Variants in CST6 observed in about 807,000 individuals in gnomAD.
CST6 encodes the protein cystatin E/M, also known as cystatin-M.
Under a neutral mutation model 10.7 loss-of-function variants are expected in CST6, and 8 were observed. That is an observed-to-expected ratio of 0.75 (90% CI 0.44 to 1.34). The LOEUF is 1.34. CST6 is among the 40% of genes most tolerant of loss of function. The probability of loss-of-function intolerance (pLI) is 0.01; values close to 1 mark genes in which losing one functional copy is unlikely to be tolerated. For synonymous variants in CST6, 100 were observed against 89.3 expected (o/e 1.12, Z -0.68); for missense variants, 206 against 205.1 (o/e 1.00, Z -0.03).
At chr11:66,012,534 G>C (rs1856178453) in intron 1 of CST6, among the ~76,000 whole-genome samples, 1 of 152,144 alleles carries the variant, frequency 6.6e-6, no homozygotes, top group African/African-American at 2.4e-5. Flanking sequence ...CCCTGATGGG[G>C]TGGATCGGGG....
intron 1 of CST6, among the ~76,000 whole-genome samples, 162 bp from the exon 2 acceptor site, chr11:66,012,664 T>TCCCCCCCCCCC (rs1159123566): frequency 5.5e-4 from 8 of 14,512 alleles, no homozygotes; most frequent in South Asian, 4.2e-3. Context: ...CCACCAGAAC[T>TCCCCCCCCCCC]CCCCCCCCCA....
chr11:66,013,198 G>A (rs1279452960), intron 2 of CST6, 119 bp from the exon 3 acceptor site: 1 of 1,034,882 alleles, frequency 9.7e-7, no homozygotes. Flanking sequence ...GACATCCGTT[G>A]GGTCAGTGAT....
Position 66,013,468 on chromosome 11 carries a change from G to GTC in CST6, c.*69_*70insCT. ...GGAGGGCACTTCAGGTCCGTGGGCC[G>GTC]TATCTGTCACAATAAATGGCCAGTG... On this transcript the variant is annotated 3_prime_UTR_variant, in exon 3 of 3. Transcript: ENST00000312134. The GTC allele has an allele frequency of 7.8e-7, 1 of 1,279,390 alleles. No individual in the cohort carries two copies. The highest frequency in any genetic ancestry group is 2.3e-5 in the East Asian group (1 of 43,244). The allele number at this position is 1,279,390 out of a possible 1,614,324, so 79.3% of individuals were successfully genotyped here.
chr11:66,012,306 G>A, intron 1 of CST6, 22 bp downstream of exon 1: 1 of 1,571,810 alleles, frequency 6.4e-7, no homozygotes, highest in Non-Finnish European at 8.7e-7. Context: ...GGGGTGCTGG[G>A]AGGGGACACC....
rs1204618157 is a variant in CST6, at chr11:66,012,143, C to T, written c.99C>T (p.Arg33=). The T allele has an allele frequency of 3.9e-6, 6 of 1,553,600 alleles. No individual in the cohort carries two copies. The African/African-American group carries it at 4.1e-5, about 11-fold the overall frequency. Residue 33 remains arginine (R), a synonymous_variant, in exon 1 of 3, where the codon CGC becomes CGT. Coordinates refer to ENST00000312134, the MANE Select transcript of CST6 (RefSeq NM_001323.4). ...PRDARARPQE[R]MVGELRDLSP... ...ACGCCCGGGCCCGGCCGCAGGAGCG[C>T]ATGGTCGGAGAACTCCGGGACCTGT...
At chr11:66,012,527 T>C (rs1204500507) in intron 1 of CST6, among the ~76,000 whole-genome samples, 2 of 152,212 alleles carry the variant, frequency 1.3e-5, no homozygotes, top group African/African-American at 2.4e-5. Context: ...GTCTCTGCCC[T>C]GATGGGGTGG....
intron 1 of CST6, among the ~76,000 whole-genome samples, chr11:66,012,609 G>A (rs1385467735): frequency 6.6e-6 from 1 of 150,898 alleles, no homozygotes; most frequent in Non-Finnish European, 1.5e-5. Flanking sequence ...TGTCTGCCAA[G>A]GCTGCTGGTG....
Position 66,012,831 on chromosome 11 carries a change from GGC to G in CST6, c.247_248del (p.Ala83ArgfsTer44). 1 of 1,604,152 alleles carries G rather than the reference GGC, an allele frequency of 6.2e-7. No individual in the cohort carries two copies. The highest frequency in any genetic ancestry group is 8.5e-7 in the Non-Finnish European group (1 of 1,172,448). On this transcript the variant is annotated frameshift_variant, in exon 2 of 3. Coordinates refer to ENST00000312134, the MANE Select transcript of CST6 (RefSeq NM_001323.4). LOFTEE classifies it high-confidence loss of function. ...HIIKAQSQLV[A>X]GIKYFLTMEM... ...CCCCTACCCTATGCCCCCAGCTGGTGGCCGGCATCAAGTACTTCCTGACGATG... is the reference window on the plus strand; with the variant it reads ...CCCCTACCCTATGCCCCCAGCTGGTGCGGCATCAAGTACTTCCTGACGATG...
intron 1 of CST6, 94 bp downstream of exon 1, chr11:66,012,378 C>G: frequency 7.3e-7 from 1 of 1,378,470 alleles, no homozygotes; most frequent in East Asian, 2.5e-5. Context: ...CCTAAAAGCG[C>G]AATCGGGATA....
In CST6 at chr11:66,013,067, C is replaced by T. The variant is rs569894671; in HGVS notation, c.366+116C>T. On this transcript the variant is annotated intron_variant, in intron 2 of 2. Transcript: ENST00000312134. ...TGTCTAGATGTCTGGCTGAACCTGT[C>T]GTCCTTCTGGATGAGTCAGCCTCTG... is the stretch of plus-strand genomic sequence containing the variant. The T allele has an allele frequency of 3.8e-5, 53 of 1,407,466 alleles. No individual in the cohort carries two copies. The East Asian group carries it at 1.0e-3, about 28-fold the overall frequency. 87.2% of individuals were successfully genotyped at this position (1,407,466 alleles called of 1,614,324 possible).
At chr11:66,013,226 G>A in intron 2 of CST6, 91 bp from the exon 3 acceptor site, 1 of 1,221,316 alleles carries the variant, frequency 8.2e-7, no homozygotes, top group Non-Finnish European at 1.2e-6. Context: ...CTCTTGGCCT[G>A]GAGCAGCCTG....
chr11:66,012,674 A>ACCCCCCCCCCCC (rs1420287294), intron 1 of CST6, 152 bp from the exon 2 acceptor site: 4 of 41,442 alleles, frequency 9.7e-5, no homozygotes, highest in Admixed American at 3.0e-4. Flanking sequence ...TCCCCCCCCC[A>ACCCCCCCCCCCC]CCCCCCCCCA....
At position 66,013,320 on chromosome 11, in the gene CST6, C is replaced by T. The variant is rs576517515; in HGVS notation, c.370C>T (p.Leu124=). Residue 124 remains leucine, a synonymous_variant, in exon 3 of 3, where the codon CTG becomes TTG. Coordinates refer to ENST00000312134, the MANE Select transcript of CST6 (RefSeq NM_001323.4). ...PLAAGAQQEK[L]RCDFEVLVVP... Reference sequence around the variant, plus strand: ...CTCCCCCATATTCCCTCCACAGAAGCTGCGCTGTGACTTTGAGGTCCTTGT... The same window carrying T: ...CTCCCCCATATTCCCTCCACAGAAGTTGCGCTGTGACTTTGAGGTCCTTGT... 1 of 1,614,028 alleles carries T rather than the reference C, an allele frequency of 6.2e-7. No individual in the cohort carries two copies. Among genetic ancestry groups the T allele is most frequent in the East Asian group, 2.2e-5 (1 of 44,886 alleles).
chr11:66,012,225 A>G lies in CST6; in HGVS notation c.181A>G (p.Met61Val). ...GCAGGCGGCCGTGGCCAGCTACAACATGGGCAGCAACAGCATCTACTACTT... is the reference window on the plus strand; with the variant it reads ...GCAGGCGGCCGTGGCCAGCTACAACGTGGGCAGCAACAGCATCTACTACTT... ...AAQAAVASYN[M>V]GSNSIYYFRD... Residue 61 changes from methionine to valine, a missense_variant, in exon 1 of 3, where the codon ATG (methionine) becomes GTG (valine). Transcript: ENST00000312134. 1 of 1,603,598 alleles carries G rather than the reference A, an allele frequency of 6.2e-7. No homozygotes were observed. Among genetic ancestry groups the G allele is most frequent in the East Asian group, 2.2e-5 (1 of 44,520 alleles).
rs747262705 is a variant in CST6 at position 66,012,029 on chromosome 11, G to A, written c.-16G>A. 2 of 1,525,122 alleles carry A rather than the reference G, an allele frequency of 1.3e-6. No individual in the cohort carries two copies. Among genetic ancestry groups the A allele is most frequent in the East Asian group, 2.4e-5 (1 of 42,296 alleles). 94.5% of individuals were successfully genotyped at this position (1,525,122 alleles called of 1,614,324 possible). A position where few individuals can be genotyped will look rare whatever the true frequency, so the allele number is the denominator to read the frequency against. On this transcript the variant is annotated 5_prime_UTR_variant, in exon 1 of 3. Transcript: ENST00000312134. Reference sequence around the variant, plus strand: ...CGGCACTCACGGCTCTGAGGGCTCCGACGGCACTGACGGCCATGGCGCGTT... The same window carrying A: ...CGGCACTCACGGCTCTGAGGGCTCCAACGGCACTGACGGCCATGGCGCGTT...
intron 1 of CST6, 147 bp downstream of exon 1, chr11:66,012,431 C>G (rs1856177234): frequency 9.2e-7 from 1 of 1,090,310 alleles, no homozygotes; most frequent in Admixed American, 2.8e-5. Context: ...GCTAAAACTC[C>G]ACGATGGACA....
intron 1 of CST6, among the ~76,000 whole-genome samples, 156 bp from the exon 2 acceptor site, chr11:66,012,670 C>CCT (rs1452513965): frequency 7.4e-5 from 1 of 13,536 alleles, no homozygotes; most frequent in Non-Finnish European, 1.8e-4. Flanking sequence ...GAACTCCCCC[C>CCT]CCCACCCCCC....
chr11:66,012,248 C>A lies in CST6; in HGVS notation c.204C>A (p.Tyr68Ter). 1 of 1,606,466 alleles carries A rather than the reference C, an allele frequency of 6.2e-7. No homozygotes were observed. Among genetic ancestry groups the A allele is most frequent in the Non-Finnish European group, 8.5e-7 (1 of 1,176,570 alleles). Residue 68 changes from tyrosine (Y) to a stop codon, truncating the protein, a stop_gained, in exon 1 of 3, where the codon TAC (tyrosine) becomes TAA (stop). Transcript: ENST00000312134. LOFTEE classifies it high-confidence loss of function. ...ACATGGGCAGCAACAGCATCTACTA[C>A]TTCCGAGACACGCACATCATCAAGG... ...SYNMGSNSIY[Y>*]FRDTHIIKAQ...
rs1326939298 is a variant in CST6 at position 66,012,283 on chromosome 11, AGGTGCGGCGGGCGG to A, written c.240+5_240+18del. ...ACGCACATCATCAAGGCGCAGAGCC[AGGTGCGGCGGGCGG>A]GGTGCTGGGAGGGGACACCCGGCCC... On this transcript the variant is annotated splice_donor_variant and splice_donor_5th_base_variant and coding_sequence_variant and intron_variant, in exon 1 of 3. Coordinates refer to ENST00000312134, the MANE Select transcript of CST6 (RefSeq NM_001323.4). LOFTEE classifies it high-confidence loss of function. The A allele has an allele frequency of 2.5e-6, 4 of 1,593,426 alleles. No homozygotes were observed. The South Asian group carries it at 4.5e-5, about 18-fold the overall frequency.
Sources: gnomAD v4.1 joint callset for allele counts (sites outside exome capture counted in the v4.1 genomes callset) on GRCh38, gnomAD v4.1.1 for gene constraint, MANE v1.5 for transcripts, NCBI Gene and HGNC (gene_info 2026-07-23, HGNC 2026-07-21) for gene names.